The following PLEKHD1 variants were observed in gnomAD, a reference collection of about 807,000 sequenced individuals.
PLEKHD1 encodes pleckstrin homology and coiled-coil domain containing D1.
PLEKHD1 carries 51 observed loss-of-function variants against 69.2 expected under a neutral mutation model. The ratio of observed to expected loss-of-function variants is 0.74; its 90% confidence interval spans 0.59 to 0.93. PLEKHD1 has a LOEUF of 0.93. Among genes scored for constraint, PLEKHD1 ranks in the 40% least tolerant of loss-of-function variants. The probability of loss-of-function intolerance (pLI) is 0.00; values close to 1 mark genes in which losing one functional copy is unlikely to be tolerated. For synonymous variants in PLEKHD1, 236 were observed against 244.7 expected, an observed-to-expected ratio of 0.96 and a Z score of 0.33; for missense variants, 584 against 641.0, an observed-to-expected ratio of 0.91 and a Z score of 0.96.
intron 6 of PLEKHD1, among the ~76,000 whole-genome samples, chr14:69,517,994 TTTTATTTATTTA>T (rs572500099): frequency 1.9e-3 from 238 of 126,882 alleles, no homozygotes; most frequent in African/African-American, 4.6e-3. Context: ...CCTGATCTGA[TTTTATTTATTTA>T]TTTATTTATT....
rs1883633245 is a variant in PLEKHD1 at position 69,525,872 on chromosome 14, A to G, written c.745-72A>G. 3 of 1,420,756 alleles carry G rather than the reference A, an allele frequency of 2.1e-6. No homozygotes were observed. The East Asian group carries it at 7.5e-5, about 35-fold the overall frequency. The allele number at this position is 1,420,756 out of a possible 1,614,324, so 88.0% of individuals were successfully genotyped here. On this transcript the variant is annotated intron_variant, in intron 8 of 12. Transcript: ENST00000322564. ...GGAGTGGGTCACTCCCCCAAACGGA[A>G]AAGCAGGTGAGGGCAGCCACGATGG...
At chr14:69,515,106 G>T (rs1171375012) in intron 6 of PLEKHD1, among the ~76,000 whole-genome samples, 1 of 152,170 alleles carries the variant, frequency 6.6e-6, no homozygotes. Flanking sequence ...GCTGAGGCAG[G>T]AGAATCACTT....
the PLEKHD1 span, among the ~76,000 whole-genome samples, chr14:69,469,286 G>A: frequency 2.6e-5 from 4 of 152,208 alleles, no homozygotes; most frequent in Admixed American, 2.0e-4. Context: ...GCTACTCTCT[G>A]TTCTTGAACT....
intron 6 of PLEKHD1, among the ~76,000 whole-genome samples, chr14:69,507,033 G>T (rs548002322): frequency 7.3e-5 from 11 of 151,698 alleles, no homozygotes; most frequent in African/African-American, 2.4e-4. Flanking sequence ...CTCCTGAGTA[G>T]CTGGGAATAC....
intron 6 of PLEKHD1, among the ~76,000 whole-genome samples, chr14:69,507,627 G>T (rs1198060009): frequency 6.6e-6 from 1 of 152,208 alleles, no homozygotes; most frequent in African/African-American, 2.4e-5. Flanking sequence ...ATTTGCAGTA[G>T]CAATGAATGA....
In PLEKHD1 at chr14:69,530,400, A is replaced by T. The variant is rs903437234; in HGVS notation, c.*1981A>T. 6 of 152,262 alleles carry T rather than the reference A, an allele frequency of 3.9e-5. No individual in the cohort carries two copies. The highest frequency in any genetic ancestry group is 5.9e-5 in the Non-Finnish European group (4 of 68,046). The allele number at this position is 152,262 out of a possible 1,614,324, so 9.4% of individuals were successfully genotyped here. On this transcript the variant is annotated 3_prime_UTR_variant, in exon 13 of 13. Transcript: ENST00000322564. The stretch of plus-strand genomic sequence containing the variant: ...ATGTAAAACTTTAAACGTGTATAAC[A>T]TGCATAAACCTGGAACTTGTTTCTC...
intron 7 of PLEKHD1, among the ~76,000 whole-genome samples, chr14:69,523,390 C>A (rs1883565756): frequency 6.6e-6 from 1 of 152,100 alleles, no homozygotes; most frequent in Non-Finnish European, 1.5e-5. Context: ...AAACTGTTTT[C>A]TTATAACAAC....
intron 10 of PLEKHD1, 31 bp from the exon 11 acceptor site, chr14:69,527,157 T>C (rs1883671638): frequency 2.7e-6 from 4 of 1,506,786 alleles, no homozygotes; most frequent in Admixed American, 2.3e-5. Flanking sequence ...AGGACCTGAC[T>C]TCCTTCTCAT....
At chr14:69,493,410 TTCCTCTC>T (rs1882819686) in intron 1 of PLEKHD1, among the ~76,000 whole-genome samples, 3 of 152,190 alleles carry the variant, frequency 2.0e-5, no homozygotes. Flanking sequence ...ATGCCTCAGT[TTCCTCTC>T]TAGTGAAATA....
chr14:69,500,327 C>A, intron 2 of PLEKHD1, 119 bp downstream of exon 2: 2 of 916,182 alleles, frequency 2.2e-6, no homozygotes, highest in Non-Finnish European at 1.6e-6. Context: ...GTCTGGAGAG[C>A]AAATCCTCTT....
At chr14:69,511,985 A>C (rs1883281870) in intron 6 of PLEKHD1, among the ~76,000 whole-genome samples, 1 of 152,200 alleles carries the variant, frequency 6.6e-6, no homozygotes, top group Non-Finnish European at 1.5e-5. Context: ...TAGTTTCTTA[A>C]ATGTTTGATA....
intron 1 of PLEKHD1, among the ~76,000 whole-genome samples, chr14:69,497,961 A>G (rs1034963736): frequency 1.3e-5 from 2 of 152,108 alleles, no homozygotes; most frequent in Non-Finnish European, 2.9e-5. Flanking sequence ...CCGAGGCAGG[A>G]GGGTCACTTG....
chr14:69,471,089 CCTTTTTTTTTTTTT>C, the PLEKHD1 span, among the ~76,000 whole-genome samples: 2 of 112,922 alleles, frequency 1.8e-5, no homozygotes, highest in African/African-American at 7.2e-5. Flanking sequence ...CCGTGCCTGG[CCTTTTTTTTTTTTT>C]TTTTTTTTTT....
chr14:69,528,299 G>C lies in PLEKHD1; in HGVS notation c.1401G>C (p.Met467Ile). The C allele has an allele frequency of 6.4e-7, 1 of 1,551,732 alleles. No homozygotes were observed. Among genetic ancestry groups the C allele is most frequent in the Non-Finnish European group, 8.7e-7 (1 of 1,146,984 alleles). The change falls in exon 13 of 13, where the codon ATG becomes ATC. Residue 467 changes from methionine to isoleucine, a missense_variant. By Grantham distance (10) the Met-to-Ile change is conservative (BLOSUM62 1). Transcript: ENST00000322564. ...CCTCCCAGCTGGATGCCAACAACAT[G>C]GAGGAGCTAAAGGAGGTGGCCAAGC... ...FMTSQLDANN[M>I]EELKEVAKRL...
At chr14:69,523,764 T>C (rs1228068934) in intron 7 of PLEKHD1, among the ~76,000 whole-genome samples, 1 of 152,120 alleles carries the variant, frequency 6.6e-6, no homozygotes. Context: ...GGAAAGACTT[T>C]CCAAGTAGGA....
chr14:69,524,372 G>A, intron 8 of PLEKHD1, 50 bp downstream of exon 8: 1 of 1,457,072 alleles, frequency 6.9e-7, no homozygotes, highest in Non-Finnish European at 9.4e-7. Context: ...CTGGTTGGTT[G>A]GACCACATGA....
chr14:69,530,752 G>A lies in PLEKHD1; in HGVS notation c.*2333G>A, dbSNP rs1192760704. 2 of 152,198 alleles carry A rather than the reference G, an allele frequency of 1.3e-5. No individual in the cohort carries two copies. Among genetic ancestry groups the A allele is most frequent in the Non-Finnish European group, 2.9e-5 (2 of 68,062 alleles). 9.4% of individuals were successfully genotyped at this position (152,198 alleles called of 1,614,324 possible). On this transcript the variant is annotated 3_prime_UTR_variant, in exon 13 of 13. Transcript: ENST00000322564. ...GACCTTCTTGTTGCATCATCCCATG[G>A]TTGACAGGCAAAGAGAGGGTGAGAG...
At chr14:69,521,219 T>C (rs533859141) in intron 6 of PLEKHD1, among the ~76,000 whole-genome samples, 2 of 152,284 alleles carry the variant, frequency 1.3e-5, no homozygotes, top group South Asian at 4.2e-4. Context: ...TGAGGTCAGT[T>C]TGTAACCAGT....
At chr14:69,477,613 C>A in the PLEKHD1 span, among the ~76,000 whole-genome samples, 1 of 152,198 alleles carries the variant, frequency 6.6e-6, no homozygotes, top group Non-Finnish European at 1.5e-5. Context: ...TGGGTAAATA[C>A]AGCCATTCCA....
Sources: gnomAD v4.1 joint callset for allele counts (sites outside exome capture counted in the v4.1 genomes callset) on GRCh38, gnomAD v4.1.1 for gene constraint, MANE v1.5 for transcripts, NCBI Gene and HGNC (gene_info 2026-07-23, HGNC 2026-07-21) for gene names.